Variants in XKR6 observed in about 807,000 individuals in gnomAD.
XKR6 encodes XK related 6, also known as XK-related protein 6.
A neutral mutation model predicts 56.7 loss-of-function variants in XKR6; 22 were observed. The ratio of observed to expected loss-of-function variants is 0.39; its 90% CI spans 0.28 to 0.55. XKR6 has a LOEUF of 0.55. Ranked by LOEUF, XKR6 falls within the 20% of genes least tolerant of loss-of-function variation. The pLI, the probability that XKR6 is intolerant of heterozygous loss-of-function variation, is 0.66. For missense variants in XKR6, 852 were observed against 889.0 expected (o/e 0.96, Z 0.53); for synonymous variants, 524 against 387.8 (o/e 1.35, Z -4.13).
chr8:11,101,330 C>A (rs574449415), intron 1 of XKR6, among the ~76,000 whole-genome samples: 2 of 152,234 alleles, frequency 1.3e-5, no homozygotes, highest in South Asian at 2.1e-4. Flanking sequence ...TGCAGAGCGG[C>A]CTTGAAAAAG....
intron 1 of XKR6, among the ~76,000 whole-genome samples, chr8:10,949,633 G>A (rs1801659197): frequency 6.6e-6 from 1 of 152,252 alleles, no homozygotes. Context: ...GTGACTGAAG[G>A]CAGTATGTCT....
At chr8:10,917,063 G>T (rs2129113935) in intron 2 of XKR6, among the ~76,000 whole-genome samples, 1 of 139,530 alleles carries the variant, frequency 7.2e-6, no homozygotes, top group Admixed American at 7.0e-5. Flanking sequence ...CCCTGTCTTA[G>T]CAAAGATGCT....
chr8:10,904,664 T>C (rs924948632), intron 2 of XKR6, among the ~76,000 whole-genome samples: 1 of 152,022 alleles, frequency 6.6e-6, no homozygotes, highest in Non-Finnish European at 1.5e-5. Flanking sequence ...AGGGTGGAGC[T>C]GCATCAGGGG....
intron 1 of XKR6, among the ~76,000 whole-genome samples, chr8:11,023,218 A>G (rs987228171): frequency 6.6e-6 from 1 of 152,052 alleles, no homozygotes; most frequent in Non-Finnish European, 1.5e-5. Context: ...CTGGCCCTGC[A>G]TTTTCTGCAC....
intron 1 of XKR6, among the ~76,000 whole-genome samples, chr8:10,993,899 T>TCACCC (rs1798050474): frequency 1.3e-5 from 2 of 152,320 alleles, no homozygotes; most frequent in South Asian, 4.1e-4. Context: ...CCCATGGCAA[T>TCACCC]CAGGGTAGGG....
chr8:10,996,517 A>C (rs529129290), intron 1 of XKR6, among the ~76,000 whole-genome samples: 2 of 152,310 alleles, frequency 1.3e-5, no homozygotes, highest in Non-Finnish European at 2.9e-5. Flanking sequence ...TCCCAATTAC[A>C]GGTTTTCTCT....
intron 1 of XKR6, chr8:11,175,170 A>C (rs575690567): frequency 6.5e-6 from 1 of 152,770 alleles, no homozygotes; most frequent in South Asian, 2.1e-4. Context: ...TGCATATATG[A>C]AAAGCCACCA....
intron 1 of XKR6, among the ~76,000 whole-genome samples, chr8:11,142,758 T>C (rs1212236109): frequency 6.6e-6 from 1 of 152,190 alleles, no homozygotes; most frequent in Non-Finnish European, 1.5e-5. Flanking sequence ...CTCTTTTCTT[T>C]AGAAATACCC....
intron 1 of XKR6, among the ~76,000 whole-genome samples, chr8:11,075,845 C>A (rs1256375557): frequency 2.0e-5 from 3 of 152,176 alleles, no homozygotes; most frequent in African/African-American, 7.2e-5. Context: ...TGCACTCCAG[C>A]CTGGGCAACA....
intron 1 of XKR6, among the ~76,000 whole-genome samples, chr8:11,075,733 T>C (rs932963845): frequency 6.6e-6 from 1 of 152,048 alleles, no homozygotes; most frequent in Non-Finnish European, 1.5e-5. Flanking sequence ...ATTAGCTGGG[T>C]GTGGTGGTGA....
intron 1 of XKR6, among the ~76,000 whole-genome samples, chr8:11,149,234 G>A (rs1395757989): frequency 1.3e-5 from 2 of 152,138 alleles, no homozygotes; most frequent in East Asian, 1.9e-4. Flanking sequence ...CATTGCCTAC[G>A]ACACACCTCG....
At chr8:11,128,505 T>C (rs1488288680) in intron 1 of XKR6, among the ~76,000 whole-genome samples, 1 of 152,224 alleles carries the variant, frequency 6.6e-6, no homozygotes, top group Non-Finnish European at 1.5e-5. Flanking sequence ...ATCTTCCGAA[T>C]GACCAGTTCT....
intron 1 of XKR6, among the ~76,000 whole-genome samples, chr8:11,187,818 AAACT>A (rs1803355165): frequency 6.6e-6 from 1 of 152,174 alleles, no homozygotes; most frequent in Non-Finnish European, 1.5e-5. Flanking sequence ...CCTGCAGAAT[AAACT>A]AACATCTCCA....
chr8:11,045,086 T>C (rs1799376492), intron 1 of XKR6, among the ~76,000 whole-genome samples: 1 of 127,296 alleles, frequency 7.9e-6, no homozygotes, highest in African/African-American at 3.1e-5. Context: ...TTTTTTTTTT[T>C]TTTTTTTTTT....
chr8:11,166,907 C>T (rs1029385267), intron 1 of XKR6, among the ~76,000 whole-genome samples: 1 of 152,138 alleles, frequency 6.6e-6, no homozygotes, highest in African/African-American at 2.4e-5. Context: ...AATATTAACA[C>T]TAGTATTCAG....
chr8:10,902,692 G>C (rs1394364174), intron 2 of XKR6, among the ~76,000 whole-genome samples: 1 of 152,208 alleles, frequency 6.6e-6, no homozygotes, highest in Non-Finnish European at 1.5e-5. Flanking sequence ...TCCAAATAGT[G>C]AAAGGAGAAG....
intron 1 of XKR6, among the ~76,000 whole-genome samples, chr8:11,179,001 C>T (rs558423376): frequency 6.7e-6 from 1 of 149,268 alleles, no homozygotes; most frequent in Admixed American, 6.7e-5. Flanking sequence ...CACGACCACA[C>T]CTGGCTAATT....
intron 1 of XKR6, among the ~76,000 whole-genome samples, chr8:11,133,461 G>C (rs954972343): frequency 6.6e-6 from 1 of 152,118 alleles, no homozygotes; most frequent in African/African-American, 2.4e-5. Flanking sequence ...ACTAGGAGGA[G>C]ACCAAGCTCT....
chr8:11,001,315 G>C (rs1170669422), intron 1 of XKR6, among the ~76,000 whole-genome samples: 1 of 152,088 alleles, frequency 6.6e-6, no homozygotes, highest in Non-Finnish European at 1.5e-5. Flanking sequence ...GGGCCAGCTA[G>C]TGAATAAATG....
Sources: allele counts gnomAD v4.1 joint callset (sites outside exome capture counted in the v4.1 genomes callset), GRCh38; gene constraint gnomAD v4.1.1; transcripts MANE v1.5; gene names NCBI Gene and HGNC (gene_info 2026-07-23, HGNC 2026-07-21).